The following QTMAN variants were observed in gnomAD, a reference collection of about 807,000 sequenced individuals.
QTMAN encodes the protein tRNA-queuosine alpha-mannosyltransferase.
the QTMAN span, among the ~76,000 whole-genome samples, chr2:144,051,288 C>T: frequency 2.0e-5 from 3 of 152,008 alleles, no homozygotes; most frequent in East Asian, 1.9e-4. Flanking sequence ...CCTAGCACTT[C>T]GGGAGGCCAA....
At chr2:144,077,515 C>T in the QTMAN span, among the ~76,000 whole-genome samples, 2 of 152,188 alleles carry the variant, frequency 1.3e-5, no homozygotes, top group African/African-American at 4.8e-5. Context: ...CTCCCATGTG[C>T]ACATTTCATG....
chr2:144,208,682 G>C, the QTMAN span: 38 of 1,613,720 alleles, frequency 2.4e-5, no homozygotes, highest in Non-Finnish European at 3.1e-5. Context: ...TTCTTTGCAG[G>C]AAGGGTATAA....
the QTMAN span, among the ~76,000 whole-genome samples, chr2:144,261,920 A>T: frequency 6.6e-6 from 1 of 152,184 alleles, no homozygotes; most frequent in African/African-American, 2.4e-5. Context: ...GGAAAAAATT[A>T]AAACTGATCC....
At chr2:144,129,368 G>A in the QTMAN span, among the ~76,000 whole-genome samples, 1 of 151,936 alleles carries the variant, frequency 6.6e-6, no homozygotes, top group Non-Finnish European at 1.5e-5. Context: ...AATTTCAAAT[G>A]AGGACTATAT....
chr2:144,224,368 T>C, the QTMAN span, among the ~76,000 whole-genome samples: 3 of 152,246 alleles, frequency 2.0e-5, no homozygotes, highest in South Asian at 2.1e-4. Context: ...CAAATACTTA[T>C]TGTGCCTACT....
the QTMAN span, among the ~76,000 whole-genome samples, chr2:144,135,555 T>C: frequency 6.6e-6 from 1 of 152,194 alleles, no homozygotes; most frequent in Non-Finnish European, 1.5e-5. Context: ...TTCCTGTTGA[T>C]GTATCTTCTT....
chr2:144,121,669 T>A, the QTMAN span, among the ~76,000 whole-genome samples: 1 of 152,210 alleles, frequency 6.6e-6, no homozygotes, highest in Non-Finnish European at 1.5e-5. Flanking sequence ...TTATAGGACC[T>A]AAGACCATTT....
At chr2:144,194,931 A>G in the QTMAN span, among the ~76,000 whole-genome samples, 3 of 152,192 alleles carry the variant, frequency 2.0e-5, no homozygotes, top group Admixed American at 2.0e-4. Flanking sequence ...AAGTAAAACT[A>G]AAGTACCAAA....
the QTMAN span, among the ~76,000 whole-genome samples, chr2:144,227,084 G>A: frequency 3.3e-5 from 5 of 152,108 alleles, no homozygotes; most frequent in Non-Finnish European, 5.9e-5. Flanking sequence ...ATACTCAAAT[G>A]TCAACTAATG....
chr2:144,160,507 G>A, the QTMAN span, among the ~76,000 whole-genome samples: 5 of 152,106 alleles, frequency 3.3e-5, no homozygotes, highest in African/African-American at 7.2e-5. Flanking sequence ...AGTGAGACTG[G>A]AGACAGATTT....
At chr2:144,301,934 G>A in the QTMAN span, among the ~76,000 whole-genome samples, 1 of 152,208 alleles carries the variant, frequency 6.6e-6, no homozygotes, top group African/African-American at 2.4e-5. Flanking sequence ...ATAAGTGGAA[G>A]AGTGTATAAA....
At chr2:144,178,638 T>C in the QTMAN span, 2 of 156,434 alleles carry the variant, frequency 1.3e-5, no homozygotes, top group African/African-American at 4.8e-5. Context: ...CTCACACTCT[T>C]GTATCCTGCT....
At chr2:144,220,551 T>A in the QTMAN span, among the ~76,000 whole-genome samples, 2 of 152,134 alleles carry the variant, frequency 1.3e-5, no homozygotes, top group African/African-American at 4.8e-5. Flanking sequence ...ATAGCCAGAG[T>A]ATTCCTTACA....
the QTMAN span, among the ~76,000 whole-genome samples, chr2:144,046,892 G>T: frequency 6.6e-6 from 1 of 152,198 alleles, no homozygotes; most frequent in African/African-American, 2.4e-5. Flanking sequence ...CACATGTGGA[G>T]TATTGGATAA....
At chr2:144,020,423 G>C in the QTMAN span, among the ~76,000 whole-genome samples, 1 of 152,214 alleles carries the variant, frequency 6.6e-6, no homozygotes, top group Non-Finnish European at 1.5e-5. Context: ...CAGGCACTGG[G>C]TATGATCCGA....
chr2:144,243,370 T>C, the QTMAN span, among the ~76,000 whole-genome samples: 1 of 152,226 alleles, frequency 6.6e-6, no homozygotes, highest in Non-Finnish European at 1.5e-5. Flanking sequence ...CAATTTAAGA[T>C]GCATGTATGT....
the QTMAN span, among the ~76,000 whole-genome samples, chr2:144,048,057 T>C: frequency 6.6e-6 from 1 of 152,180 alleles, no homozygotes; most frequent in East Asian, 1.9e-4. Context: ...GAAATCTGTT[T>C]TAACAGAGTG....
chr2:144,075,981 G>C, the QTMAN span, among the ~76,000 whole-genome samples: 4 of 152,232 alleles, frequency 2.6e-5, no homozygotes, highest in Non-Finnish European at 5.9e-5. Context: ...GGGTGCAGTG[G>C]CTCACGCCTG....
At chr2:144,166,192 T>C in the QTMAN span, among the ~76,000 whole-genome samples, 1 of 152,214 alleles carries the variant, frequency 6.6e-6, no homozygotes, top group Non-Finnish European at 1.5e-5. Context: ...CCAGGTTGCC[T>C]TTTATCTCCA....
Sources: gnomAD v4.1 joint callset for allele counts (sites outside exome capture counted in the v4.1 genomes callset) on GRCh38, gnomAD v4.1.1 for gene constraint, MANE v1.5 for transcripts, NCBI Gene and HGNC (gene_info 2026-07-23, HGNC 2026-07-21) for gene names.